The following SLC14A2 variants were observed in gnomAD, a reference collection of about 807,000 sequenced individuals.
The protein encoded by SLC14A2 is solute carrier family 14 member 2.
Under a neutral mutation model 104.6 loss-of-function variants are expected in SLC14A2, and 91 were observed. That is an observed-to-expected ratio of 0.87 (90% confidence interval 0.73 to 1.04). The LOEUF (loss-of-function observed/expected upper bound fraction) is 1.04. Among genes scored for constraint, SLC14A2 ranks in the 50% least tolerant of loss-of-function variants. The pLI is 0.00. For synonymous variants in SLC14A2, 476 were observed against 466.4 expected, an observed-to-expected ratio of 1.02 and a Z score of -0.27; for missense variants, 1,189 against 1,156.0, an observed-to-expected ratio of 1.03 and a Z score of -0.41.
intron 1 of SLC14A2, among the ~76,000 whole-genome samples, chr18:45,623,039 A>C (rs541637040): frequency 3.3e-5 from 5 of 152,244 alleles, no homozygotes; most frequent in Non-Finnish European, 7.4e-5. Flanking sequence ...GGAGGGAGAC[A>C]GGTGCAAGAG....
chr18:45,331,045 G>A (rs997757823), intron 1 of SLC14A2, among the ~76,000 whole-genome samples: 4 of 152,152 alleles, frequency 2.6e-5, no homozygotes, highest in Non-Finnish European at 5.9e-5. Flanking sequence ...AGGTAAAATT[G>A]TTGATATTTT....
chr18:45,478,177 G>C (rs2144689304), intron 1 of SLC14A2, among the ~76,000 whole-genome samples: 1 of 152,322 alleles, frequency 6.6e-6, no homozygotes, highest in Non-Finnish European at 1.5e-5. Flanking sequence ...AATAGTATCT[G>C]AGCCAGAATG....
At chr18:45,185,575 A>G in the SLC14A2 span, among the ~76,000 whole-genome samples, 2 of 152,226 alleles carry the variant, frequency 1.3e-5, no homozygotes, top group East Asian at 3.8e-4. Flanking sequence ...ATCTCTCTAA[A>G]GTTAGGAAGA....
chr18:45,341,157 T>G (rs1369699301), intron 1 of SLC14A2, among the ~76,000 whole-genome samples: 2 of 152,228 alleles, frequency 1.3e-5, no homozygotes, highest in African/African-American at 4.8e-5. Context: ...TTTCTCATAT[T>G]TATTTGTTTC....
intron 1 of SLC14A2, among the ~76,000 whole-genome samples, chr18:45,333,231 A>T (rs968259354): frequency 1.3e-4 from 20 of 152,164 alleles, no homozygotes; most frequent in African/African-American, 4.6e-4. Context: ...TCAGAGGATC[A>T]AGCAGAGGAG....
chr18:45,366,732 G>C (rs2085669457), intron 1 of SLC14A2, among the ~76,000 whole-genome samples: 1 of 152,142 alleles, frequency 6.6e-6, no homozygotes, highest in Non-Finnish European at 1.5e-5. Flanking sequence ...CTTACCTGGA[G>C]TATGTCTCTC....
chr18:45,253,129 T>C (rs541458455), intron 1 of SLC14A2, among the ~76,000 whole-genome samples: 62 of 152,290 alleles, frequency 4.1e-4, no homozygotes, highest in Non-Finnish European at 5.9e-5. Context: ...ACCAGATTGT[T>C]TGGCCGAAGT....
At chr18:45,322,048 C>A (rs2085190487) in intron 1 of SLC14A2, among the ~76,000 whole-genome samples, 1 of 152,104 alleles carries the variant, frequency 6.6e-6, no homozygotes, top group Non-Finnish European at 1.5e-5. Flanking sequence ...TTTTTGATGG[C>A]AGAACACATA....
intron 1 of SLC14A2, among the ~76,000 whole-genome samples, chr18:45,379,850 G>C (rs1470742692): frequency 6.6e-6 from 1 of 152,130 alleles, no homozygotes; most frequent in Non-Finnish European, 1.5e-5. Context: ...TTCATACATG[G>C]ACCTGTAGAG....
the SLC14A2 span, chr18:45,168,756 T>A: frequency 6.7e-6 from 1 of 148,514 alleles, no homozygotes; most frequent in Non-Finnish European, 1.5e-5. Flanking sequence ...GAAAAGGAAC[T>A]TTTTTTTTTA....
intron 1 of SLC14A2, among the ~76,000 whole-genome samples, chr18:45,348,293 A>C (rs188758942): frequency 6.6e-6 from 1 of 152,344 alleles, no homozygotes; most frequent in East Asian, 1.9e-4. Context: ...TAGTCCTCTT[A>C]TCATTTACGC....
intron 18 of SLC14A2, among the ~76,000 whole-genome samples, chr18:45,676,874 G>T (rs926078608): frequency 1.3e-5 from 2 of 152,212 alleles, no homozygotes; most frequent in East Asian, 1.9e-4. Flanking sequence ...GACTGTAAAA[G>T]GCTGTGCTCT....
chr18:45,281,253 C>A (rs1432580514), intron 1 of SLC14A2, among the ~76,000 whole-genome samples: 1 of 152,166 alleles, frequency 6.6e-6, no homozygotes, highest in Non-Finnish European at 1.5e-5. Flanking sequence ...CTCACTACAT[C>A]TCCAACTCAG....
At chr18:45,536,181 G>C (rs142989881) in intron 2 of SLC14A2, among the ~76,000 whole-genome samples, 1 of 152,208 alleles carries the variant, frequency 6.6e-6, no homozygotes, top group South Asian at 2.1e-4. Flanking sequence ...GTGCCCTGAG[G>C]TGGTGTCCAG....
At chr18:45,580,877 T>G (rs1011326069) in intron 2 of SLC14A2, among the ~76,000 whole-genome samples, 1 of 152,138 alleles carries the variant, frequency 6.6e-6, no homozygotes, top group Non-Finnish European at 1.5e-5. Context: ...CAGGCACATT[T>G]GCAGGTGAAG....
In SLC14A2 at chr18:45,673,819, T is replaced by C; in HGVS notation, c.2512+2T>C. The stretch of plus-strand genomic sequence containing the variant: ...CGCACCTCCTCGCCATCGCCTGCGG[T>C]AGGTACTCCCCACAGAGGATTTGTT... On this transcript the variant is annotated splice_donor_variant, in intron 18 of 19. Transcript: ENST00000255226. LOFTEE classifies it high-confidence loss of function. The C allele has an allele frequency of 6.2e-7, 1 of 1,613,882 alleles. No individual in the cohort carries two copies. Among genetic ancestry groups the C allele is most frequent in the Non-Finnish European group, 8.5e-7 (1 of 1,179,740 alleles).
intron 1 of SLC14A2, among the ~76,000 whole-genome samples, chr18:45,475,670 T>TTTAGG (rs1194338727): frequency 1.9e-5 from 2 of 107,668 alleles, no homozygotes; most frequent in African/African-American, 3.4e-5. Context: ...TATATATATA[T>TTTAGG]ATATATATAT....
chr18:45,279,917 G>A (rs1307977777), intron 1 of SLC14A2, among the ~76,000 whole-genome samples: 1 of 152,048 alleles, frequency 6.6e-6, no homozygotes, highest in Non-Finnish European at 1.5e-5. Flanking sequence ...GTGGTTGGAG[G>A]GTGTCCTGTG....
intron 1 of SLC14A2, among the ~76,000 whole-genome samples, chr18:45,238,113 C>A (rs1477973377): frequency 6.6e-6 from 1 of 152,226 alleles, no homozygotes; most frequent in Non-Finnish European, 1.5e-5. Context: ...AGCTCAGTAA[C>A]TTCCTAAAAG....
Sources: allele counts gnomAD v4.1 joint callset (sites outside exome capture counted in the v4.1 genomes callset), GRCh38; gene constraint gnomAD v4.1.1; transcripts MANE v1.5; gene names NCBI Gene and HGNC (gene_info 2026-07-23, HGNC 2026-07-21).